Variants in DDX54 observed in about 807,000 individuals in gnomAD.
DDX54 encodes DEAD-box helicase 54, also known as ATP-dependent RNA helicase DDX54.
DDX54 carries 67 observed loss-of-function variants against 105.5 expected under a neutral mutation model. That is an observed-to-expected ratio of 0.64 (90% CI 0.52 to 0.78). The LOEUF (loss-of-function observed/expected upper bound fraction) is 0.78, where lower values mean the gene tolerates loss of function less well. DDX54 is among the 30% of genes least tolerant of loss of function. DDX54 has a pLI of 0.00. For missense variants in DDX54, 1,206 were observed against 1,230.5 expected (o/e 0.98, Z 0.30); for synonymous variants, 514 against 509.9 (o/e 1.01, Z -0.11).
At chr12:113,172,592 G>A in intron 10 of DDX54, 29 bp from the exon 11 acceptor site, 2 of 1,610,270 alleles carry the variant, frequency 1.2e-6, no homozygotes, top group Non-Finnish European at 1.7e-6. Flanking sequence ...GTAGCAAAGT[G>A]AGAAGGAGAC....
intron 19 of DDX54, among the ~76,000 whole-genome samples, chr12:113,159,686 T>C (rs1449338551): frequency 6.7e-6 from 1 of 150,190 alleles, no homozygotes; most frequent in Non-Finnish European, 1.5e-5. Context: ...GGGAGAGGAA[T>C]CAAAGAAGGC....
In DDX54 at chr12:113,161,269, C is replaced by G; in HGVS notation, c.2413+1G>C. 6.2e-7 allele frequency: 1 copy of G among 1,610,608 alleles called. No individual in the cohort carries two copies. Among genetic ancestry groups the G allele is most frequent in the Non-Finnish European group, 8.5e-7 (1 of 1,177,918 alleles). ...CCCACACTCCCCACCCTGGCTCTCA[C>G]CTTGGCCACGGTCTCGCTTCCCACC... On this transcript the variant is annotated splice_donor_variant, in intron 19 of 19. Transcript: ENST00000306014. LOFTEE classifies it high-confidence loss of function.
chr12:113,181,482 T>A (rs11066504), intron 1 of DDX54, among the ~76,000 whole-genome samples: 31,039 of 151,296 alleles, frequency 0.21, 3,739 homozygotes, highest in African/African-American at 0.33. Flanking sequence ...GTATTTATTT[T>A]TTTTTTTTTG....
Position 113,175,139 on chromosome 12 carries a change from G to A in DDX54, c.771C>T (p.Phe257=), listed in dbSNP as rs371935330. 173 of 1,611,420 alleles carry A rather than the reference G, an allele frequency of 1.1e-4. No individual in the cohort carries two copies. The highest frequency in any genetic ancestry group is 1.4e-4 in the Non-Finnish European group (160 of 1,179,292). The part of the protein sequence containing the change: ...DEADRLFEMG[F]AEQLQEIIAR... ...CGATGATCTCCTGCAGCTGCTCTGC[G>A]AAACCCATTTCAAAAAGCCTGGAAG... The change falls in exon 8 of 20, where the codon TTC becomes TTT. Residue 257 remains phenylalanine (F), a synonymous_variant. Transcript: ENST00000306014.
Position 113,185,432 on chromosome 12 carries a change from G to A in DDX54, c.20C>T (p.Pro7Leu), listed in dbSNP as rs1362656947. ...AGCTCGCGACCGAGGTCCAGCCGCCGGGCCCTTGTCGGCCGCCATTCGGGC... is the reference window on the plus strand; with the variant it reads ...AGCTCGCGACCGAGGTCCAGCCGCCAGGCCCTTGTCGGCCGCCATTCGGGC... MAADKG[P>L]AAGPRSRAAM... The change falls in exon 1 of 20, where the codon CCG (proline) becomes CTG (leucine). Residue 7 changes from proline to leucine, a missense_variant. Coordinates refer to ENST00000306014, the MANE Select transcript of DDX54 (RefSeq NM_024072.4). 1.2e-5 allele frequency: 18 copies of A among 1,519,138 alleles called. No individual in the cohort carries two copies. Among genetic ancestry groups the A allele is most frequent in the Non-Finnish European group, 1.4e-5 (16 of 1,136,776 alleles). 94.1% of individuals were successfully genotyped at this position (1,519,138 alleles called of 1,614,324 possible).
At chr12:113,166,473 G>A (rs1173859246) in intron 12 of DDX54, among the ~76,000 whole-genome samples, 2 of 152,148 alleles carry the variant, frequency 1.3e-5, no homozygotes, top group Non-Finnish European at 2.9e-5. Flanking sequence ...GGCTGAGGCA[G>A]GAGGATCACT....
At chr12:113,178,120 C>T (rs1952426390) in intron 5 of DDX54, among the ~76,000 whole-genome samples, 1 of 152,114 alleles carries the variant, frequency 6.6e-6, no homozygotes, top group South Asian at 2.1e-4. Context: ...ACCTGTAGTG[C>T]CAGCTACTGG....
rs532989611 is a variant in DDX54 at position 113,157,860 on chromosome 12, C to A, written c.*1017G>T. 18 of 614,348 alleles carry A rather than the reference C, an allele frequency of 2.9e-5. No individual in the cohort carries two copies. The highest frequency in any genetic ancestry group is 5.3e-5 in the Non-Finnish European group (18 of 341,858). 38.1% of individuals were successfully genotyped at this position (614,348 alleles called of 1,614,324 possible). A position where few individuals can be genotyped will look rare whatever the true frequency, so the allele number is the denominator to read the frequency against. On this transcript the variant is annotated 3_prime_UTR_variant, in exon 20 of 20. Transcript: ENST00000306014. The stretch of plus-strand genomic sequence containing the variant: ...CCTGCCATGAGGGGCACATAGCAAG[C>A]ACTCCATAAATGCAGGCCCTGATGA...
In DDX54 at chr12:113,157,667, CCCTG is replaced by C. The variant is rs766861972; in HGVS notation, c.*1206_*1209del. The C allele has an allele frequency of 5.0e-5, 77 of 1,551,538 alleles. No homozygotes were observed. The East Asian group carries it at 1.9e-3, about 38-fold the overall frequency. ...GCCTGGGTCAGGCTGAGCCTGCAGCCCCTGCCTCCTAGCCCTGACACAGGTGAGC... is the reference window on the plus strand; with the variant it reads ...GCCTGGGTCAGGCTGAGCCTGCAGCCCCTCCTAGCCCTGACACAGGTGAGC... On this transcript the variant is annotated 3_prime_UTR_variant, in exon 20 of 20. Transcript: ENST00000306014.
Position 113,174,681 on chromosome 12 carries a change from C to A in DDX54, c.1027G>T (p.Val343Leu), listed in dbSNP as rs554666224. The change falls in exon 10 of 20, where the codon GTG (valine) becomes TTG (leucine). Residue 343 changes from valine (V) to leucine (L), a missense_variant. Transcript: ENST00000306014. The stretch of plus-strand genomic sequence containing the variant: ...GCGTGGTGCTTCGTGGCCACAAACA[C>A]CACGGTCTGGTCCTGGGGCCGCACC... ...NVVRPQDQTV[V>L]FVATKHHAEY... 5 of 1,610,496 alleles carry A rather than the reference C, an allele frequency of 3.1e-6. No homozygotes were observed. In the African/African-American group the frequency reaches 6.7e-5, roughly 22 times the overall value.
At chr12:113,160,628 A>G (rs1040701344) in intron 19 of DDX54, among the ~76,000 whole-genome samples, 2 of 152,102 alleles carry the variant, frequency 1.3e-5, no homozygotes, top group Admixed American at 6.5e-5. Context: ...AAAGAGGTCC[A>G]AGTCCTCAGA....
rs1408834734 is a variant in DDX54, at chr12:113,163,780, C to A, written c.1938+287G>T. On this transcript the variant is annotated intron_variant, in intron 15 of 19. Coordinates refer to ENST00000306014, the MANE Select transcript of DDX54 (RefSeq NM_024072.4). This position sits in a 1 kb window ranked among gnomAD's most constrained non-coding sequence, Gnocchi z 5.9. ...TCATGGTCCTCCCTCTGAGTGGAGA[C>A]CTACACGTCTCACTGCAGAAGCCCT... Among the ~76,000 whole-genome samples, 1 of 150,286 alleles carries A rather than the reference C, an allele frequency of 6.7e-6. No individual in the cohort carries two copies. The highest frequency in any genetic ancestry group is 1.5e-5 in the Non-Finnish European group (1 of 67,372).
intron 10 of DDX54, among the ~76,000 whole-genome samples, chr12:113,173,640 C>T (rs1388969654): frequency 6.6e-6 from 1 of 152,182 alleles, no homozygotes; most frequent in African/African-American, 2.4e-5. Flanking sequence ...ATGCTAACAG[C>T]GCTTCACACA....
chr12:113,160,215 C>T (rs1445227426), intron 19 of DDX54, among the ~76,000 whole-genome samples: 2 of 152,128 alleles, frequency 1.3e-5, no homozygotes, highest in Non-Finnish European at 2.9e-5. Flanking sequence ...GAGAACAGGC[C>T]CAGGCAAATG....
intron 19 of DDX54, 129 bp from the exon 20 acceptor site, chr12:113,159,238 G>A: frequency 1.9e-6 from 2 of 1,035,408 alleles, no homozygotes. Context: ...CCCAGTGTCT[G>A]TACACAGTAG....
chr12:113,161,679 G>GCA (rs1297326468), intron 18 of DDX54, among the ~76,000 whole-genome samples: 1 of 135,996 alleles, frequency 7.4e-6, no homozygotes, highest in Non-Finnish European at 1.6e-5. Context: ...CCCGCCCCCA[G>GCA]CACAGGTCCC....
In DDX54 at chr12:113,158,567, C is replaced by T; in HGVS notation, c.*310G>A. On this transcript the variant is annotated 3_prime_UTR_variant, in exon 20 of 20. Transcript: ENST00000306014. The surrounding 1 kb of genome is among the most constrained non-coding windows in gnomAD (Gnocchi z 4.9). ...GAGGCACTCAGGGCTCTGACCGGTG[C>T]AGCCATGACCTCTGAACCCAGAACA... 2.9e-6 allele frequency: 1 copy of T among 341,834 alleles called. No individual in the cohort carries two copies. The allele number at this position is 341,834 out of a possible 1,614,324, so 21.2% of individuals were successfully genotyped here. A position where few individuals can be genotyped will look rare whatever the true frequency, so the allele number is the denominator to read the frequency against.
chr12:113,176,783 C>T, intron 7 of DDX54, 57 bp downstream of exon 7: 2 of 1,586,662 alleles, frequency 1.3e-6, no homozygotes, highest in South Asian at 1.1e-5. Flanking sequence ...GTTGACCTCT[C>T]TGCCTCTGCT....
At chr12:113,178,090 G>C (rs1952426015) in intron 5 of DDX54, among the ~76,000 whole-genome samples, 1 of 152,046 alleles carries the variant, frequency 6.6e-6, no homozygotes, top group Admixed American at 6.6e-5. Context: ...ACAAAAAATT[G>C]GCTGGGCATG....
Sources: allele counts gnomAD v4.1 joint callset (sites outside exome capture counted in the v4.1 genomes callset), GRCh38; gene constraint gnomAD v4.1.1; non-coding constraint Gnocchi (gnomAD v3.1); transcripts MANE v1.5; gene names NCBI Gene and HGNC (gene_info 2026-07-23, HGNC 2026-07-21).